NKAIN3: variants seen among roughly 807,000 people sequenced by gnomAD.
NKAIN3 encodes the protein sodium/potassium-transporting ATPase subunit beta-1-interacting protein 3.
NKAIN3 carries 25 observed loss-of-function variants against 30.2 expected under a neutral mutation model. That is an observed-to-expected ratio of 0.83 (90% CI 0.60 to 1.16). The LOEUF is 1.16. Ranked by LOEUF, NKAIN3 falls within the 50% of genes most tolerant of loss-of-function variation. NKAIN3 has a pLI of 0.00. For synonymous variants in NKAIN3, 91 were observed against 89.6 expected (o/e 1.02, Z -0.09); for missense variants, 225 against 254.1 (o/e 0.89, Z 0.78).
chr8:62,715,064 G>C (rs973255584), intron 3 of NKAIN3, among the ~76,000 whole-genome samples: 1 of 152,064 alleles, frequency 6.6e-6, no homozygotes, highest in Admixed American at 6.6e-5. Context: ...TGGGGAAGCA[G>C]GTACATTATC....
At chr8:62,991,996 C>T (rs1289638064) in intron 5 of NKAIN3, among the ~76,000 whole-genome samples, 1 of 150,220 alleles carries the variant, frequency 6.7e-6, no homozygotes, top group Non-Finnish European at 1.5e-5. Flanking sequence ...CTCGCCACCC[C>T]ACTTTCTTCT....
intron 1 of NKAIN3, among the ~76,000 whole-genome samples, chr8:62,274,826 A>G (rs1158501261): frequency 1.4e-5 from 2 of 144,150 alleles, no homozygotes; most frequent in Non-Finnish European, 3.0e-5. Context: ...ATTCCCACCT[A>G]TGAGTGAGAA....
chr8:62,510,511 G>A (rs1056013871), intron 1 of NKAIN3, among the ~76,000 whole-genome samples: 2 of 152,108 alleles, frequency 1.3e-5, no homozygotes, highest in African/African-American at 4.8e-5. Context: ...CAATCGCTGG[G>A]AAGGTGATGG....
chr8:62,781,394 A>G (rs996698542), intron 4 of NKAIN3, among the ~76,000 whole-genome samples: 4 of 149,928 alleles, frequency 2.7e-5, no homozygotes, highest in African/African-American at 9.9e-5. Flanking sequence ...CAAATTGACA[A>G]TTTCATTTTT....
At chr8:62,525,528 A>G (rs1455143639) in intron 1 of NKAIN3, among the ~76,000 whole-genome samples, 1 of 152,146 alleles carries the variant, frequency 6.6e-6, no homozygotes, top group Admixed American at 6.6e-5. Context: ...TAGTTTGCTA[A>G]GGATAATGGC....
At chr8:62,797,746 A>T (rs1302864466) in intron 4 of NKAIN3, among the ~76,000 whole-genome samples, 1 of 152,180 alleles carries the variant, frequency 6.6e-6, no homozygotes, top group Non-Finnish European at 1.5e-5. Flanking sequence ...ACCCTCAGTG[A>T]CTCAGAATGT....
intron 4 of NKAIN3, among the ~76,000 whole-genome samples, chr8:62,798,524 A>T (rs2130687452): frequency 6.6e-6 from 1 of 152,074 alleles, no homozygotes; most frequent in Middle Eastern, 3.4e-3. Flanking sequence ...GTGAGCTGAG[A>T]TTGCACCACT....
At chr8:62,317,228 T>C (rs962326410) in intron 1 of NKAIN3, among the ~76,000 whole-genome samples, 2 of 152,236 alleles carry the variant, frequency 1.3e-5, no homozygotes, top group South Asian at 2.1e-4. Flanking sequence ...GTAGGTTGCA[T>C]GTTCACTCTT....
At chr8:62,763,538 A>G (rs1208507229) in intron 4 of NKAIN3, among the ~76,000 whole-genome samples, 3 of 152,204 alleles carry the variant, frequency 2.0e-5, no homozygotes, top group African/African-American at 4.8e-5. Context: ...GCAATACACA[A>G]TTATTACTTA....
At chr8:62,736,643 G>A (rs1815685917) in intron 3 of NKAIN3, among the ~76,000 whole-genome samples, 1 of 152,086 alleles carries the variant, frequency 6.6e-6, no homozygotes, top group Admixed American at 6.5e-5. Context: ...GGGCTCTCAA[G>A]TTTCACACAT....
At chr8:62,323,779 G>C (rs1039263881) in intron 1 of NKAIN3, among the ~76,000 whole-genome samples, 5 of 151,982 alleles carry the variant, frequency 3.3e-5, no homozygotes, top group African/African-American at 1.2e-4. Flanking sequence ...CCAATACAAA[G>C]ATATGAGTTA....
intron 4 of NKAIN3, among the ~76,000 whole-genome samples, chr8:62,852,618 G>A (rs1819943966): frequency 6.6e-6 from 1 of 152,002 alleles, no homozygotes; most frequent in South Asian, 2.1e-4. Context: ...TCTACACACT[G>A]CTTTGAATGT....
intron 1 of NKAIN3, among the ~76,000 whole-genome samples, chr8:62,368,172 A>T (rs897594164): frequency 8.5e-5 from 13 of 152,142 alleles, no homozygotes; most frequent in African/African-American, 2.9e-4. Context: ...ATTCACTACA[A>T]TTGCTGTCAA....
intron 1 of NKAIN3, among the ~76,000 whole-genome samples, chr8:62,565,736 T>C (rs1017238248): frequency 6.6e-6 from 1 of 151,898 alleles, no homozygotes; most frequent in African/African-American, 2.4e-5. Context: ...CCATTGTAAA[T>C]TGAATATATT....
chr8:62,783,730 C>A (rs978191535), intron 4 of NKAIN3, among the ~76,000 whole-genome samples: 8 of 151,760 alleles, frequency 5.3e-5, no homozygotes, highest in African/African-American at 1.7e-4. Flanking sequence ...CTGGCCTCAG[C>A]CTCTAGAGTA....
intron 5 of NKAIN3, chr8:62,990,245 A>T (rs772046785): frequency 6.5e-7 from 1 of 1,537,496 alleles, no homozygotes; most frequent in East Asian, 2.4e-5. Flanking sequence ...AATTAGTAAG[A>T]TATTATCACC....
At chr8:62,932,426 T>A (rs1822650231) in intron 5 of NKAIN3, among the ~76,000 whole-genome samples, 1 of 152,240 alleles carries the variant, frequency 6.6e-6, no homozygotes, top group South Asian at 2.1e-4. Context: ...AGGCTAACTG[T>A]GTCTCAAGGC....
At chr8:62,782,772 C>T (rs560948489) in intron 4 of NKAIN3, among the ~76,000 whole-genome samples, 18 of 147,294 alleles carry the variant, frequency 1.2e-4, no homozygotes, top group African/African-American at 2.3e-4. Context: ...ATGATACATA[C>T]GAGATAATGG....
At chr8:62,739,424 C>G (rs1260050115) in intron 3 of NKAIN3, among the ~76,000 whole-genome samples, 3 of 151,932 alleles carry the variant, frequency 2.0e-5, no homozygotes, top group South Asian at 4.1e-4. Context: ...GTTGTTTGTT[C>G]TTGTGTTTAT....
Sources: gnomAD v4.1 joint callset for allele counts (sites outside exome capture counted in the v4.1 genomes callset) on GRCh38, gnomAD v4.1.1 for gene constraint, MANE v1.5 for transcripts, NCBI Gene and HGNC (gene_info 2026-07-23, HGNC 2026-07-21) for gene names.